Variants in R3HDM1 observed in about 807,000 individuals in gnomAD.
R3HDM1 encodes R3H domain-containing protein 1.
In R3HDM1, 46 loss-of-function variants were observed where a neutral mutation model predicts 141.1. The observed-to-expected ratio is 0.33, with a 90% CI of 0.26 to 0.42. The LOEUF (loss-of-function observed/expected upper bound fraction) is 0.42, where lower values mean the gene tolerates loss of function less well. Ranked by LOEUF, R3HDM1 falls within the 10% of genes least tolerant of loss-of-function variation. R3HDM1 has a pLI of 1.00. For missense variants in R3HDM1, 1,184 were observed against 1,368.3 expected, an observed-to-expected ratio of 0.87 and a Z score of 2.12; for synonymous variants, 435 against 472.9, an observed-to-expected ratio of 0.92 and a Z score of 1.04.
chr2:135,680,035 GCAC>G, intron 20 of R3HDM1, 135 bp from the exon 21 acceptor site: 1 of 844,208 alleles, frequency 1.2e-6, no homozygotes, highest in Admixed American at 2.7e-5. Flanking sequence ...AGCCAAGATT[GCAC>G]CACTACACTC....
At chr2:135,658,549 A>G (rs1171251776) in intron 18 of R3HDM1, among the ~76,000 whole-genome samples, 4 of 152,208 alleles carry the variant, frequency 2.6e-5, no homozygotes, top group African/African-American at 9.6e-5. Context: ...TTCTAGGTGA[A>G]TCAGTGAATG....
intron 21 of R3HDM1, among the ~76,000 whole-genome samples, chr2:135,684,091 T>G (rs553819120): frequency 1.3e-5 from 2 of 152,202 alleles, no homozygotes; most frequent in African/African-American, 4.8e-5. Context: ...TTTTGTTTTG[T>G]TTTTGTTTTT....
intron 20 of R3HDM1, among the ~76,000 whole-genome samples, chr2:135,676,642 T>G (rs2069219930): frequency 6.6e-6 from 1 of 152,058 alleles, no homozygotes; most frequent in South Asian, 2.1e-4. Context: ...GAAACCCCAT[T>G]TCTTTGAAAA....
intron 1 of R3HDM1, chr2:135,566,855 C>T: frequency 9.3e-6 from 7 of 750,258 alleles, no homozygotes; most frequent in Non-Finnish European, 9.7e-6. Flanking sequence ...ACCTGTAATC[C>T]CAGCTACTTG....
At chr2:135,598,933 G>A (rs1030315624) in intron 1 of R3HDM1, among the ~76,000 whole-genome samples, 17 of 151,944 alleles carry the variant, frequency 1.1e-4, no homozygotes, top group African/African-American at 3.4e-4. Context: ...TTTTGTTTAT[G>A]TTCTATTTTA....
At chr2:135,689,927 T>A (rs370468519) in intron 21 of R3HDM1, among the ~76,000 whole-genome samples, 1 of 152,208 alleles carries the variant, frequency 6.6e-6, no homozygotes, top group African/African-American at 2.4e-5. Context: ...TCATTTTCAC[T>A]ATTTTTATCT....
In R3HDM1 at chr2:135,577,335, G is replaced by GTA. The variant is rs1705672251; in HGVS notation, c.-249-25162_-249-25161dup. The GTA allele has an allele frequency of 8.4e-6, 3 of 356,316 alleles. No homozygotes were observed. In the East Asian group the frequency reaches 6.2e-4, roughly 74 times the overall value. 22.1% of individuals were successfully genotyped at this position (356,316 alleles called of 1,614,324 possible). ...TAGCCAAAAGGCCTATAGCACTAAT[G>GTA]TATACTACACTTGATTTTAGCCAAA... On this transcript the variant is annotated intron_variant, in intron 1 of 26. Transcript: ENST00000683871.
At position 135,692,628 on chromosome 2, in the gene R3HDM1, C is replaced by T. The variant is rs536297357; in HGVS notation, c.2459+12304C>T. On this transcript the variant is annotated intron_variant, in intron 21 of 26. Coordinates refer to ENST00000683871, the MANE Select transcript of R3HDM1 (RefSeq NM_001378107.1). Reference sequence around the variant, plus strand: ...ATAAACATTATGCTTAAACTTTTTTCCATAGAGCATCTGAATTTTAGGTTA... The same window carrying T: ...ATAAACATTATGCTTAAACTTTTTTTCATAGAGCATCTGAATTTTAGGTTA... 3.2e-3 allele frequency among the ~76,000 whole-genome samples: 489 copies of T among 152,094 alleles called. 5 individuals carry two copies. The highest frequency in any genetic ancestry group is 0.011 in the African/African-American group (465 of 41,478).
intron 1 of R3HDM1, among the ~76,000 whole-genome samples, chr2:135,564,077 T>TGGG (rs1452355847): frequency 2.0e-5 from 3 of 152,166 alleles, no homozygotes; most frequent in African/African-American, 7.2e-5. Flanking sequence ...ATGAGGGATC[T>TGGG]GCCCCCATGA....
At chr2:135,580,990 G>A (rs1706677753) in intron 1 of R3HDM1, among the ~76,000 whole-genome samples, 1 of 152,060 alleles carries the variant, frequency 6.6e-6, no homozygotes, top group Admixed American at 6.6e-5. Flanking sequence ...CTGGCTTTCA[G>A]TGTCCCCCTC....
rs879705476 is a variant in R3HDM1, at chr2:135,626,204, C to CGTGT, written c.497+3475_497+3476insTGTG. 8.5e-3 allele frequency among the ~76,000 whole-genome samples: 1,187 copies of CGTGT among 139,014 alleles called. 15 individuals carry two copies. The highest frequency in any genetic ancestry group is 0.031 in the African/African-American group (915 of 29,472). The allele number at this position is 139,014 out of a possible 152,430, so 91.2% of individuals were successfully genotyped here. On this transcript the variant is annotated intron_variant, in intron 7 of 26. Transcript: ENST00000683871. ...GCTTGCGTGCGTGCGTGCGTGCGTGCGTGCGTGCTTGCTTGCTTGCTTGCT... is the reference window on the plus strand; with the variant it reads ...GCTTGCGTGCGTGCGTGCGTGCGTGCGTGTGTGCGTGCTTGCTTGCTTGCTTGCT...
At chr2:135,560,451 C>A (rs1410949622) in intron 1 of R3HDM1, among the ~76,000 whole-genome samples, 1 of 152,082 alleles carries the variant, frequency 6.6e-6, no homozygotes, top group Admixed American at 6.5e-5. Context: ...GTAGCTGGGA[C>A]TACAGGCATG....
intron 1 of R3HDM1, among the ~76,000 whole-genome samples, chr2:135,547,375 C>G (rs1242371880): frequency 6.6e-6 from 1 of 151,972 alleles, no homozygotes; most frequent in African/African-American, 2.4e-5. Flanking sequence ...CACCAAAAAT[C>G]AAATGAATTT....
At chr2:135,674,219 G>A (rs2068806098) in intron 19 of R3HDM1, among the ~76,000 whole-genome samples, 2 of 152,198 alleles carry the variant, frequency 1.3e-5, no homozygotes, top group Admixed American at 1.3e-4. Context: ...CTACAGTGAT[G>A]CTGCTGTCTA....
At chr2:135,692,131 C>G (rs576285963) in intron 21 of R3HDM1, among the ~76,000 whole-genome samples, 1 of 151,956 alleles carries the variant, frequency 6.6e-6, no homozygotes, top group Non-Finnish European at 1.5e-5. Context: ...AGGCAGGTCT[C>G]GAACTGAACC....
At chr2:135,643,812 G>A (rs1040005943) in intron 15 of R3HDM1, among the ~76,000 whole-genome samples, 14 of 152,156 alleles carry the variant, frequency 9.2e-5, no homozygotes, top group African/African-American at 3.4e-4. Flanking sequence ...TCCTTCACAG[G>A]AACACAGATG....
rs1396497565 is a variant in R3HDM1 at position 135,725,078 on chromosome 2, A to C, written c.*786A>C. On this transcript the variant is annotated 3_prime_UTR_variant, in exon 27 of 27. Transcript: ENST00000683871. Reference sequence around the variant, plus strand: ...TTTGTCACCTAAGGAAATGCATTTGATGAGTGCTGGAAACTTCTTAAGTGC... The same window carrying C: ...TTTGTCACCTAAGGAAATGCATTTGCTGAGTGCTGGAAACTTCTTAAGTGC... The C allele has an allele frequency of 6.6e-6, 1 of 152,234 alleles. No individual in the cohort carries two copies. The highest frequency in any genetic ancestry group is 2.4e-5 in the African/African-American group (1 of 41,320). The allele number at this position is 152,234 out of a possible 1,614,324, so 9.4% of individuals were successfully genotyped here. A position where few individuals can be genotyped will look rare whatever the true frequency, so the allele number is the denominator to read the frequency against.
intron 21 of R3HDM1, among the ~76,000 whole-genome samples, chr2:135,682,625 G>A (rs2070520481): frequency 6.6e-6 from 1 of 152,168 alleles, no homozygotes; most frequent in Admixed American, 6.5e-5. Context: ...AGCTAGCTTT[G>A]GCCTGAGGGA....
At chr2:135,561,288 C>G in intron 1 of R3HDM1, 1 of 985,074 alleles carries the variant, frequency 1.0e-6, no homozygotes, top group Non-Finnish European at 1.2e-6. Flanking sequence ...TACATTTTAT[C>G]TGTTGGTTCC....
Sources: gnomAD v4.1 joint callset for allele counts (sites outside exome capture counted in the v4.1 genomes callset) on GRCh38, gnomAD v4.1.1 for gene constraint, MANE v1.5 for transcripts, NCBI Gene and HGNC (gene_info 2026-07-23, HGNC 2026-07-21) for gene names.